PCSK4: variants seen among roughly 807,000 people sequenced by gnomAD.
PCSK4 encodes testicular tissue protein Li 135.
PCSK4 carries 64 observed loss-of-function variants against 80.3 expected under a neutral mutation model. The ratio of observed to expected loss-of-function variants is 0.80; its 90% CI spans 0.65 to 0.98. The LOEUF is 0.98. Ranked by LOEUF, PCSK4 falls within the 50% of genes least tolerant of loss-of-function variation. PCSK4 has a pLI of 0.00. For synonymous variants in PCSK4, 561 were observed against 487.6 expected (o/e 1.15, Z -1.98); for missense variants, 1,213 against 1,093.6 (o/e 1.11, Z -1.54).
chr19:1,490,137 G>T (rs2145452612), intron 1 of PCSK4, 21 bp downstream of exon 1: 2 of 1,612,924 alleles, frequency 1.2e-6, no homozygotes, highest in Non-Finnish European at 1.7e-6. Flanking sequence ...CCCACTTCCC[G>T]TCTATCCCGG....
At chr19:1,488,662 C>T (rs974744934) in intron 2 of PCSK4, among the ~76,000 whole-genome samples, 2 of 151,752 alleles carry the variant, frequency 1.3e-5, no homozygotes, top group African/African-American at 4.8e-5. Flanking sequence ...CTCACTGCAA[C>T]CTCTGCCTCC....
chr19:1,489,613 G>A, intron 2 of PCSK4, 180 bp downstream of exon 2: 2 of 1,159,248 alleles, frequency 1.7e-6, no homozygotes, highest in Non-Finnish European at 2.4e-6. Flanking sequence ...CAGGCGCCAT[G>A]ATTTCCGTAT....
Position 1,482,882 on chromosome 19 carries a change from C to T in PCSK4, c.1696+14G>A. On this transcript the variant is annotated intron_variant, in intron 13 of 14. Coordinates refer to ENST00000300954, the Ensembl canonical transcript of PCSK4. ...AGCCAAGCCCCGCCCACCACAGCCC[C>T]GCCCCGCCCTCACCCGTGTTGAAAT... 1 of 1,610,416 alleles carries T rather than the reference C, an allele frequency of 6.2e-7. No individual in the cohort carries two copies. Among genetic ancestry groups the T allele is most frequent in the Non-Finnish European group, 8.5e-7 (1 of 1,177,634 alleles).
chr19:1,485,064 C>T (rs1437830783), intron 8 of PCSK4, among the ~76,000 whole-genome samples: 1 of 151,962 alleles, frequency 6.6e-6, no homozygotes, highest in Non-Finnish European at 1.5e-5. Flanking sequence ...AGGAGGATCG[C>T]TTGAGCCTGG....
intron 8 of PCSK4, among the ~76,000 whole-genome samples, 164 bp from the exon 9 acceptor site, chr19:1,484,291 C>T (rs2084487716): frequency 6.6e-6 from 1 of 152,006 alleles, no homozygotes; most frequent in Admixed American, 6.6e-5. Flanking sequence ...AGTTCAAGAC[C>T]AGCCTGGTCA....
In PCSK4 at chr19:1,483,443, T is replaced by C. The variant is rs748253573; in HGVS notation, c.1412A>G (p.Tyr471Cys). 16 of 1,594,880 alleles carry C rather than the reference T, an allele frequency of 1.0e-5. No individual in the cohort carries two copies. The South Asian group carries it at 1.7e-4, about 16-fold the overall frequency. The change falls in exon 12 of 15, where the codon TAC (tyrosine) becomes TGC (cysteine). Residue 471 changes from tyrosine to cysteine, a missense_variant. Physicochemically the swap from Tyr to Cys is radical, Grantham distance 194 (BLOSUM62 -2). Transcript: ENST00000300954. ...GCAGGCCGATACGTTTTCCCTGATG[T>C]AGATCAGCGGCAGGATGGGGCTGAG...
chr19:1,489,246 C>T (rs11673658), intron 2 of PCSK4, among the ~76,000 whole-genome samples: 7 of 151,990 alleles, frequency 4.6e-5, no homozygotes, highest in African/African-American at 1.7e-4. Flanking sequence ...ATTCTCCTGC[C>T]TAAGCCTCCT....
chr19:1,483,968 TGAGCCGCCGGGCCGCGCC>T, intron 9 of PCSK4, 27 bp from the exon 10 acceptor site: 4 of 1,309,932 alleles, frequency 3.1e-6, no homozygotes, highest in Non-Finnish European at 4.1e-6. Context: ...CGGGGGCGGG[TGAGCCGCCGGGCCGCGCC>T]TGGGGGCGAG....
chr19:1,482,447 G>A, exon 14 of PCSK4: 2 of 1,607,430 alleles, frequency 1.2e-6, no homozygotes, highest in Non-Finnish European at 1.7e-6. Flanking sequence ...CCGTCCCATA[G>A]AGCAGCAGCG....
exon 1 of PCSK4, chr19:1,490,207 C>T (rs1024285541): frequency 6.2e-7 from 1 of 1,613,430 alleles, no homozygotes. Context: ...CTCGACCTCC[C>T]GGTTACCCTG....
chr19:1,490,034 G>C, intron 1 of PCSK4, 124 bp downstream of exon 1: 1 of 1,519,722 alleles, frequency 6.6e-7, no homozygotes, highest in Admixed American at 2.0e-5. Flanking sequence ...GCTTGGCTGA[G>C]GCAGGGGTGG....
chr19:1,488,798 C>G (rs1016318649), intron 2 of PCSK4, among the ~76,000 whole-genome samples: 2 of 151,988 alleles, frequency 1.3e-5, no homozygotes, highest in Non-Finnish European at 2.9e-5. Flanking sequence ...TCAGGCTGGT[C>G]TCGAACTCCT....
intron 1 of PCSK4, 101 bp downstream of exon 1, chr19:1,490,057 G>T: frequency 6.5e-7 from 1 of 1,529,810 alleles, no homozygotes; most frequent in South Asian, 1.2e-5. Flanking sequence ...TGGGACTCTT[G>T]ATATTTAGAA....
At position 1,489,833 on chromosome 19, in the gene PCSK4, G is replaced by A; in HGVS notation, c.254C>T (p.Pro85Leu). The change falls in exon 2 of 15, where the codon CCG becomes CTG. Residue 85 changes from proline to leucine, a missense_variant. Physicochemically the swap from Pro to Leu is moderately conservative, Grantham distance 98. Coordinates refer to ENST00000300954, the Ensembl canonical transcript of PCSK4. Reference sequence around the variant, plus strand: ...CAGGTGCAGGCGGTGGCCCCAGTGCGGGGTCAGGGACTGCTGGACCACGCC... The same window carrying A: ...CAGGTGCAGGCGGTGGCCCCAGTGCAGGGTCAGGGACTGCTGGACCACGCC... The A allele has an allele frequency of 1.9e-6, 3 of 1,610,584 alleles. No individual in the cohort carries two copies. The South Asian group carries it at 3.3e-5, about 18-fold the overall frequency.
chr19:1,482,811 T>A, intron 13 of PCSK4, 85 bp downstream of exon 13: 8 of 1,442,676 alleles, frequency 5.5e-6, no homozygotes, highest in Non-Finnish European at 7.7e-6. Context: ...CCTTTTGCAG[T>A]GCGGTCACCA....
chr19:1,488,167 C>G, intron 3 of PCSK4, 21 bp downstream of exon 3: 1 of 1,613,442 alleles, frequency 6.2e-7, no homozygotes, highest in South Asian at 1.1e-5. Context: ...CCCCGTCTAC[C>G]CACCCTGGCT....
rs866720158 is a variant in PCSK4 at position 1,486,448 on chromosome 19, C to G, written c.1068+405G>C. 7.2e-5 allele frequency among the ~76,000 whole-genome samples: 11 copies of G among 152,204 alleles called. No individual in the cohort carries two copies. In the South Asian group the frequency reaches 2.3e-3, roughly 32 times the overall value. On this transcript the variant is annotated intron_variant, in intron 8 of 14. Coordinates refer to ENST00000300954, the Ensembl canonical transcript of PCSK4. ...AGTAGCTGGGACTACAGGCGCCCAC[C>G]ACCACGCCCGGCTAATTTTTTGTAT...
chr19:1,490,194 G>A (rs767496023), exon 1 of PCSK4: 1 of 1,613,514 alleles, frequency 6.2e-7, no homozygotes, highest in African/African-American at 1.3e-5. Context: ...TGCGTGCCAG[G>A]CGCTCGACCT....
chr19:1,487,566 C>T (rs1478882710), intron 6 of PCSK4, 37 bp downstream of exon 6: 1 of 1,513,744 alleles, frequency 6.6e-7, no homozygotes, highest in East Asian at 2.5e-5. Context: ...CCTTCCCTCT[C>T]TGTCCCGGAA....
Sources: gnomAD v4.1 joint callset for allele counts (sites outside exome capture counted in the v4.1 genomes callset) on GRCh38, gnomAD v4.1.1 for gene constraint, MANE v1.5 for transcripts, NCBI Gene and HGNC (gene_info 2026-07-23, HGNC 2026-07-21) for gene names.